Variants in ABL1 observed in about 807,000 individuals in gnomAD.
ABL1 encodes the protein tyrosine-protein kinase ABL1.
A neutral mutation model predicts 94.7 loss-of-function variants in ABL1; 11 were observed. The ratio of observed to expected loss-of-function variants is 0.12; its 90% CI spans 0.07 to 0.19. The LOEUF (loss-of-function observed/expected upper bound fraction) is 0.19. Ranked by LOEUF, ABL1 falls within the 10% of genes least tolerant of loss-of-function variation. ABL1 has a pLI of 1.00. For missense variants in ABL1, 1,082 were observed against 1,489.4 expected (o/e 0.73, Z 4.50); for synonymous variants, 656 against 622.4 (o/e 1.05, Z -0.80).
chr9:130,883,957 C>T lies in ABL1; in HGVS notation c.1679-12C>T, dbSNP rs1349528540. On this transcript the variant is annotated splice_polypyrimidine_tract_variant and intron_variant, in intron 10 of 10. Transcript: ENST00000318560. ...TTGTCTGGAGTTGTCAGCTCTTCCCCTTGCGTTTCAGATCCTCTGGACCAT... is the reference window on the plus strand; with the variant it reads ...TTGTCTGGAGTTGTCAGCTCTTCCCTTTGCGTTTCAGATCCTCTGGACCAT... 4.4e-6 allele frequency: 7 copies of T among 1,600,072 alleles called. No individual in the cohort carries two copies. Among genetic ancestry groups the T allele is most frequent in the African/African-American group, 2.7e-5 (2 of 74,086 alleles).
intron 1 of ABL1, among the ~76,000 whole-genome samples, chr9:130,805,759 A>G (rs1295240446): frequency 6.6e-6 from 1 of 152,154 alleles, no homozygotes. Flanking sequence ...GACCTTGACA[A>G]TTCTGTTAAG....
chr9:130,861,541 C>G (rs1457703874), intron 3 of ABL1, among the ~76,000 whole-genome samples: 2 of 152,196 alleles, frequency 1.3e-5, no homozygotes, highest in African/African-American at 4.8e-5. Context: ...GTGTGTATTT[C>G]AGGCTTTTTC....
At chr9:130,792,057 T>C (rs1485462736) in intron 1 of ABL1, among the ~76,000 whole-genome samples, 1 of 152,128 alleles carries the variant, frequency 6.6e-6, no homozygotes, top group African/African-American at 2.4e-5. Context: ...AGATCACACT[T>C]GGTTCAGAAC....
rs900627692 is a variant in ABL1 at position 130,863,378 on chromosome 9, C to T, written c.822+343C>T. ...GTGCGGCATGGAGATCACTTCCTACCGAGAGTTAAGGAGGAAAAAAAGATC... is the reference window on the plus strand; with the variant it reads ...GTGCGGCATGGAGATCACTTCCTACTGAGAGTTAAGGAGGAAAAAAAGATC... On this transcript the variant is annotated intron_variant, in intron 4 of 10. Coordinates refer to ENST00000318560, the MANE Select transcript of ABL1 (RefSeq NM_005157.6). The surrounding 1 kb of genome is among the most constrained non-coding windows in gnomAD (Gnocchi z 4.3). Among the ~76,000 whole-genome samples, 2 of 152,020 alleles carry T rather than the reference C, an allele frequency of 1.3e-5. No individual in the cohort carries two copies. The highest frequency in any genetic ancestry group is 2.9e-5 in the Non-Finnish European group (2 of 68,002).
intron 1 of ABL1, among the ~76,000 whole-genome samples, chr9:130,715,496 A>G (rs1295299524): frequency 1.3e-5 from 2 of 152,226 alleles, no homozygotes; most frequent in African/African-American, 4.8e-5. Context: ...CTTACGGGAA[A>G]ATATTCACTT....
chr9:130,887,307 G>GC lies in ABL1; in HGVS notation c.*1629dup, dbSNP rs1831603270. On this transcript the variant is annotated 3_prime_UTR_variant, in exon 11 of 11. Coordinates refer to ENST00000318560, the MANE Select transcript of ABL1 (RefSeq NM_005157.6). ...GGTTCTTACAGCACATCACCTCTTT[G>GC]CCCCCGACGGCTGTGACGCAGCCGG... 8.6e-6 allele frequency: 2 copies of GC among 233,216 alleles called. No homozygotes were observed. Among genetic ancestry groups the GC allele is most frequent in the Admixed American group, 5.6e-5 (1 of 17,792 alleles). The allele number at this position is 233,216 out of a possible 1,614,324, so 14.4% of individuals were successfully genotyped here.
At chr9:130,882,826 G>A (rs1210168379) in intron 10 of ABL1, among the ~76,000 whole-genome samples, 1 of 152,096 alleles carries the variant, frequency 6.6e-6, no homozygotes, top group Non-Finnish European at 1.5e-5. Flanking sequence ...GAGCCACCGC[G>A]CCTGGCTACC....
chr9:130,765,136 A>G (rs1832165776), intron 1 of ABL1, among the ~76,000 whole-genome samples: 1 of 152,130 alleles, frequency 6.6e-6, no homozygotes, highest in African/African-American at 2.4e-5. Flanking sequence ...CTGGACTTCT[A>G]AGGCTTCCTG....
rs141181174 is a variant in ABL1 at position 130,735,961 on chromosome 9, A to ATTTTTT, written c.136+21513_136+21518dup. Among the ~76,000 whole-genome samples the ATTTTTT allele has an allele frequency of 6.9e-4, 65 of 94,810 alleles. No individual in the cohort carries two copies. The East Asian group carries it at 9.4e-3, about 14-fold the overall frequency. 62.2% of individuals were successfully genotyped at this position (94,810 alleles called of 152,430 possible). A position where few individuals can be genotyped will look rare whatever the true frequency, so the allele number is the denominator to read the frequency against. On this transcript the variant is annotated intron_variant, in intron 1 of 10. Coordinates refer to the ABL1 transcript ENST00000372348. ...TATATATATATATATATATATATATATTTTTTTTTTTTAAGACAGGGTCTG... is the reference window on the plus strand; with the variant it reads ...TATATATATATATATATATATATATATTTTTTTTTTTTTTTTTTAAGACAGGGTCTG...
At chr9:130,851,746 T>C (rs1424496679) in intron 1 of ABL1, among the ~76,000 whole-genome samples, 1 of 150,876 alleles carries the variant, frequency 6.6e-6, no homozygotes, top group South Asian at 2.1e-4. Flanking sequence ...CTTTTCAAAT[T>C]AGAATTTTCC....
intron 1 of ABL1, among the ~76,000 whole-genome samples, chr9:130,791,543 A>C (rs76482105): frequency 1.3e-5 from 2 of 152,232 alleles, no homozygotes; most frequent in Admixed American, 6.5e-5. Context: ...GTTGGTTGCC[A>C]GTGCAGCTAG....
At chr9:130,736,594 C>T (rs1831747211) in intron 1 of ABL1, among the ~76,000 whole-genome samples, 1 of 151,944 alleles carries the variant, frequency 6.6e-6, no homozygotes, top group Admixed American at 6.6e-5. Context: ...TAGGTTCAAG[C>T]AATTCTTCTG....
chr9:130,785,390 C>T (rs34466941), intron 1 of ABL1, among the ~76,000 whole-genome samples: 1,732 of 152,260 alleles, frequency 0.011, 20 homozygotes, highest in African/African-American at 0.04. Flanking sequence ...GGATCACGCC[C>T]TCTGACAAGC....
chr9:130,798,544 C>G (rs1830010633), intron 1 of ABL1, among the ~76,000 whole-genome samples: 2 of 152,140 alleles, frequency 1.3e-5, no homozygotes, highest in African/African-American at 4.8e-5. Context: ...AACCCTACAG[C>G]ACTTTGCCAT....
chr9:130,718,243 C>T (rs111713663), intron 1 of ABL1, among the ~76,000 whole-genome samples: 3,111 of 142,146 alleles, frequency 0.022, 121 homozygotes, highest in African/African-American at 0.075. Flanking sequence ...TCTTGAGCCC[C>T]GGGGGAAGAG....
At chr9:130,818,421 GATC>G (rs1316014431) in intron 1 of ABL1, among the ~76,000 whole-genome samples, 35 of 152,216 alleles carry the variant, frequency 2.3e-4, no homozygotes, top group African/African-American at 8.2e-4. Context: ...AGTGAGCTGA[GATC>G]ATACTGCTGC....
In ABL1 at chr9:130,884,292, G is replaced by A. The variant is rs1377452172; in HGVS notation, c.2002G>A (p.Val668Ile). ...KSPKPSNGAGVPNGALRESGG... is the reference protein window; with the variant it reads ...KSPKPSNGAGIPNGALRESGG... Reference sequence around the variant, plus strand: ...CCCAAAGCCCAGCAATGGGGCTGGGGTCCCCAATGGAGCCCTCCGGGAGTC... The same window carrying A: ...CCCAAAGCCCAGCAATGGGGCTGGGATCCCCAATGGAGCCCTCCGGGAGTC... Residue 668 changes from valine (V) to isoleucine (I), a missense_variant, in exon 11 of 11, where the codon GTC (valine) becomes ATC (isoleucine). By Grantham distance (29) the Val-to-Ile change is conservative. This residue lies in a region of ABL1 where 780 missense variants were observed against 835.8 expected (regional missense o/e 0.93). Transcript: ENST00000318560. The surrounding 1 kb of genome is among the most constrained non-coding windows in gnomAD (Gnocchi z 5.6). The A allele has an allele frequency of 1.2e-6, 2 of 1,606,916 alleles. No homozygotes were observed. Among genetic ancestry groups the A allele is most frequent in the Non-Finnish European group, 8.5e-7 (1 of 1,176,836 alleles).
intron 1 of ABL1, among the ~76,000 whole-genome samples, chr9:130,803,900 G>T (rs942203237): frequency 1.3e-5 from 2 of 152,102 alleles, no homozygotes; most frequent in African/African-American, 4.8e-5. Context: ...TTTATGACTT[G>T]AAGTGTTTTA....
Position 130,884,725 on chromosome 9 carries a change from A to C in ABL1, c.2435A>C (p.Asn812Thr), listed in dbSNP as rs1186996487. ...MESSPGSSPP[N>T]LTPKPLRRQV... ...TCCAGCCCGGGCTCCAGCCCGCCCA[A>C]CCTGACTCCAAAACCCCTCCGGCGG... The change falls in exon 11 of 11, where the codon AAC (asparagine) becomes ACC (threonine). Residue 812 changes from asparagine (N) to threonine (T), a missense_variant. Coordinates refer to ENST00000318560, the MANE Select transcript of ABL1 (RefSeq NM_005157.6). This position sits in a 1 kb window ranked among gnomAD's most constrained non-coding sequence, Gnocchi z 5.6. 4.3e-6 allele frequency: 7 copies of C among 1,612,366 alleles called. No individual in the cohort carries two copies. In the Admixed American group the frequency reaches 1.0e-4, roughly 23 times the overall value.
Sources: gnomAD v4.1 joint callset for allele counts (sites outside exome capture counted in the v4.1 genomes callset) on GRCh38, gnomAD v4.1.1 for gene constraint, gnomAD v4.1.1 regional missense constraint, Gnocchi (gnomAD v3.1) non-coding constraint, MANE v1.5 for transcripts, NCBI Gene and HGNC (gene_info 2026-07-23, HGNC 2026-07-21) for gene names.